The following GNB1 variants were observed in gnomAD, a reference collection of about 807,000 sequenced individuals.
GNB1 encodes guanine nucleotide-binding protein G(I)/G(S)/G(T) subunit beta-1.
GNB1 carries 2 observed loss-of-function variants against 42.9 expected under a neutral mutation model. The observed-to-expected ratio is 0.05, with a 90% confidence interval of 0.02 to 0.15. The LOEUF (loss-of-function observed/expected upper bound fraction) is 0.15. GNB1 is among the 10% of genes least tolerant of loss of function. The pLI, the probability that GNB1 is intolerant of heterozygous loss-of-function variation, is 1.00. For synonymous variants in GNB1, 183 were observed against 174.7 expected (o/e 1.05, Z -0.38); for missense variants, 193 against 462.2 (o/e 0.42, Z 5.34).
intron 5 of GNB1, among the ~76,000 whole-genome samples, chr1:1,808,067 G>A (rs1390852772): frequency 6.6e-6 from 1 of 151,782 alleles, no homozygotes; most frequent in Non-Finnish European, 1.5e-5. Context: ...GAGTGCAATG[G>A]TGCGTCGGCT....
At chr1:1,798,495 T>C (rs1570631172) in intron 7 of GNB1, among the ~76,000 whole-genome samples, 1 of 152,362 alleles carries the variant, frequency 6.6e-6, no homozygotes, top group East Asian at 1.9e-4. Flanking sequence ...CTGTGCACGC[T>C]GTATCATGAA....
In GNB1 at chr1:1,801,388, A is replaced by G. The variant is rs148206716; in HGVS notation, c.430+3031T>C. Among the ~76,000 whole-genome samples, 181 of 152,320 alleles carry G rather than the reference A, an allele frequency of 1.2e-3. 1 individual carries two copies. The highest frequency in any genetic ancestry group is 2.0e-3 in the Non-Finnish European group (133 of 68,024). ...GACCCCTAATTTCTTAAGAATGTTT[A>G]AAGTAAAGAATACAACAATGCATCA... On this transcript the variant is annotated intron_variant, in intron 7 of 11. Transcript: ENST00000378609.
intron 1 of GNB1, among the ~76,000 whole-genome samples, chr1:1,849,682 T>C (rs1195350339): frequency 6.6e-6 from 1 of 152,148 alleles, no homozygotes; most frequent in Non-Finnish European, 1.5e-5. Flanking sequence ...ATTACAGGTA[T>C]GACCCACCAT....
At chr1:1,825,650 G>A in intron 2 of GNB1, 151 bp from the exon 3 acceptor site, 1 of 523,550 alleles carries the variant, frequency 1.9e-6, no homozygotes, top group East Asian at 3.6e-5. Context: ...AGATCACGAG[G>A]TCAGGAGATC....
chr1:1,860,035 AC>A (rs1461566845), intron 1 of GNB1, among the ~76,000 whole-genome samples: 3 of 152,164 alleles, frequency 2.0e-5, no homozygotes, highest in Non-Finnish European at 4.4e-5. Context: ...GTGCACATGT[AC>A]CCTAGAACTT....
chr1:1,859,818 T>C (rs1648520646), intron 1 of GNB1, among the ~76,000 whole-genome samples: 1 of 148,868 alleles, frequency 6.7e-6, no homozygotes, highest in African/African-American at 2.5e-5. Flanking sequence ...AGATCGACCA[T>C]CCTTGCCAAC....
chr1:1,815,012 T>G (rs1289483588), intron 5 of GNB1, among the ~76,000 whole-genome samples: 2 of 143,414 alleles, frequency 1.4e-5, no homozygotes, highest in East Asian at 2.0e-4. Flanking sequence ...CTAGGGAGGG[T>G]GAGGCAGGAG....
At chr1:1,887,393 A>T (rs1241203446) in intron 1 of GNB1, among the ~76,000 whole-genome samples, 1 of 152,262 alleles carries the variant, frequency 6.6e-6, no homozygotes, top group Non-Finnish European at 1.5e-5. Flanking sequence ...TTTTAGCTAC[A>T]AAGCTACAAC....
intron 1 of GNB1, among the ~76,000 whole-genome samples, chr1:1,876,636 G>A (rs1412657675): frequency 6.6e-6 from 1 of 152,204 alleles, no homozygotes; most frequent in Admixed American, 6.5e-5. Flanking sequence ...AAAGTGATAA[G>A]TGTCATAGGC....
chr1:1,811,066 T>C (rs1646770189), intron 5 of GNB1, among the ~76,000 whole-genome samples: 1 of 65,588 alleles, frequency 1.5e-5, no homozygotes, highest in East Asian at 4.2e-4. Context: ...TGGGTATATA[T>C]ATACATATAT....
chr1:1,790,564 G>A lies in GNB1; in HGVS notation c.530C>T (p.Thr177Met), dbSNP rs200569590. The A allele has an allele frequency of 8.1e-6, 13 of 1,613,508 alleles. No homozygotes were observed. The highest frequency in any genetic ancestry group is 3.4e-6 in the Non-Finnish European group (4 of 1,179,592). ...ALWDIETGQQ[T>M]TTFTGHTGDV... ...TCCAGTGTGTCCGGTAAACGTGGTCGTCTGCTGGCCGGTCTCGATGTCCCA... is the reference window on the plus strand; with the variant it reads ...TCCAGTGTGTCCGGTAAACGTGGTCATCTGCTGGCCGGTCTCGATGTCCCA... Residue 177 changes from threonine to methionine, a missense_variant, in exon 9 of 12, where the codon ACG becomes ATG. By Grantham distance (81) the Thr-to-Met change is moderately conservative. Transcript: ENST00000378609. The surrounding 1 kb of genome is among the most constrained non-coding windows in gnomAD (Gnocchi z 5.4).
rs34864042 is a variant in GNB1 at position 1,874,605 on chromosome 1, TAA to T, written c.-96+16213_-96+16214del. Among the ~76,000 whole-genome samples, 39 of 47,018 alleles carry T rather than the reference TAA, an allele frequency of 8.3e-4. No homozygotes were observed. In the East Asian group the frequency reaches 0.013, roughly 16 times the overall value. 30.8% of individuals were successfully genotyped at this position (47,018 alleles called of 152,430 possible). On this transcript the variant is annotated intron_variant, in intron 1 of 11. Transcript: ENST00000378609. ...CTGGGAAGCAGAGCAAGACTCCATC[TAA>T]AAAAAAAAAAAAAAAAAAAAAAAAA...
chr1:1,826,684 G>A (rs1462734392), intron 2 of GNB1, among the ~76,000 whole-genome samples: 2 of 152,196 alleles, frequency 1.3e-5, no homozygotes, highest in African/African-American at 4.8e-5. Context: ...AGGAGGCTCA[G>A]AAACAACACC....
chr1:1,819,051 T>C (rs1309896930), intron 3 of GNB1, among the ~76,000 whole-genome samples: 1 of 152,098 alleles, frequency 6.6e-6, no homozygotes, highest in Non-Finnish European at 1.5e-5. Flanking sequence ...CCACCAATGC[T>C]AACTCAAGTG....
At chr1:1,870,613 G>A (rs577343587) in intron 1 of GNB1, among the ~76,000 whole-genome samples, 3 of 152,308 alleles carry the variant, frequency 2.0e-5, no homozygotes, top group African/African-American at 7.2e-5. Flanking sequence ...TGTTAGCGTT[G>A]CTGGAATTAC....
chr1:1,858,628 T>C (rs1271917731), intron 1 of GNB1, among the ~76,000 whole-genome samples: 1 of 152,208 alleles, frequency 6.6e-6, no homozygotes, highest in East Asian at 1.9e-4. Flanking sequence ...GCCCAGACTG[T>C]GGGCCATGAA....
intron 1 of GNB1, among the ~76,000 whole-genome samples, chr1:1,881,390 G>A (rs1279585817): frequency 1.3e-5 from 2 of 151,560 alleles, no homozygotes; most frequent in Non-Finnish European, 2.9e-5. Flanking sequence ...ACTCTTTCAG[G>A]GCTTCCTGGA....
chr1:1,886,410 A>C (rs777264667), intron 1 of GNB1, among the ~76,000 whole-genome samples: 5 of 152,220 alleles, frequency 3.3e-5, no homozygotes, highest in Admixed American at 2.6e-4. Flanking sequence ...CTAGAACAAA[A>C]TGCATAGCTT....
chr1:1,810,411 C>T lies in GNB1; in HGVS notation c.204-3873G>A, dbSNP rs1403456772. Among the ~76,000 whole-genome samples the T allele has an allele frequency of 4.6e-5, 7 of 151,788 alleles. No homozygotes were observed. In the East Asian group the frequency reaches 1.4e-3, roughly 30 times the overall value. ...ATTAGCTGGGCACAGTGATGTGCAC[C>T]TGTGGTACCAGCTACTCAGGAGGCT... On this transcript the variant is annotated intron_variant, in intron 5 of 11. Transcript: ENST00000378609.
Sources: allele counts gnomAD v4.1 joint callset (sites outside exome capture counted in the v4.1 genomes callset), GRCh38; gene constraint gnomAD v4.1.1; non-coding constraint Gnocchi (gnomAD v3.1); transcripts MANE v1.5; gene names NCBI Gene and HGNC (gene_info 2026-07-23, HGNC 2026-07-21).